The following PXDNL variants were observed in gnomAD, a reference collection of about 807,000 sequenced individuals.
PXDNL encodes probable oxidoreductase PXDNL.
A neutral mutation model predicts 150.8 loss-of-function variants in PXDNL; 145 were observed. The observed-to-expected ratio is 0.96, with a 90% CI of 0.84 to 1.10. PXDNL has a LOEUF of 1.10. Among genes scored for constraint, PXDNL ranks in the 50% least tolerant of loss-of-function variants. PXDNL has a pLI of 0.00. For synonymous variants in PXDNL, 757 were observed against 725.7 expected (o/e 1.04, Z -0.69); for missense variants, 2,087 against 1,873.9 (o/e 1.11, Z -2.10).
intron 1 of PXDNL, among the ~76,000 whole-genome samples, chr8:51,691,770 G>A (rs1237280163): frequency 1.3e-5 from 2 of 151,922 alleles, no homozygotes; most frequent in African/African-American, 2.4e-5. Flanking sequence ...CCTTATGAAC[G>A]TTTTTACCAT....
chr8:51,409,027 C>A lies in PXDNL; in HGVS notation c.2597G>T (p.Ser866Ile). The change falls in exon 17 of 23, where the codon AGC (serine) becomes ATC (isoleucine). Residue 866 changes from serine (S) to isoleucine (I), a missense_variant. Physicochemically the swap from Ser to Ile is moderately radical, Grantham distance 142 (BLOSUM62 -2). Coordinates refer to ENST00000356297, the MANE Select transcript of PXDNL (RefSeq NM_144651.5). ...GGGACGGCCGCTGGCACACGCGGGGCTGGAGCGCGCGAAGAGCATGCAGGG... is the reference window on the plus strand; with the variant it reads ...GGGACGGCCGCTGGCACACGCGGGGATGGAGCGCGCGAAGAGCATGCAGGG... ...HAPCMLFARS[S>I]PACASGRPSA... 3.7e-6 allele frequency: 6 copies of A among 1,610,482 alleles called. 1 individual carries two copies. In the East Asian group the frequency reaches 1.1e-4, roughly 30 times the overall value.
chr8:51,472,871 C>T (rs531686243), intron 7 of PXDNL, among the ~76,000 whole-genome samples: 8 of 152,250 alleles, frequency 5.3e-5, no homozygotes, highest in African/African-American at 1.7e-4. Context: ...TGTAATGAAT[C>T]AGGTAGTATT....
intron 1 of PXDNL, among the ~76,000 whole-genome samples, chr8:51,699,928 C>A (rs578156017): frequency 6.6e-6 from 1 of 151,868 alleles, no homozygotes. Flanking sequence ...CTACAATAGC[C>A]GCATCAAAGA....
intron 19 of PXDNL, among the ~76,000 whole-genome samples, chr8:51,347,625 A>C (rs1806197570): frequency 1.3e-5 from 2 of 152,226 alleles, no homozygotes; most frequent in African/African-American, 4.8e-5. Context: ...CAAGTTAATT[A>C]TCATATTGTT....
intron 4 of PXDNL, among the ~76,000 whole-genome samples, chr8:51,543,249 A>G (rs1184818181): frequency 6.6e-6 from 1 of 152,202 alleles, no homozygotes; most frequent in East Asian, 1.9e-4. Flanking sequence ...ATGCCCGGTG[A>G]TACTACTCTG....
intron 1 of PXDNL, among the ~76,000 whole-genome samples, chr8:51,677,044 G>A (rs984789467): frequency 6.6e-5 from 10 of 152,188 alleles, no homozygotes; most frequent in African/African-American, 2.4e-4. Flanking sequence ...AGTTGCAGTA[G>A]CTGCAGGATT....
chr8:51,583,755 A>G (rs1489126338), intron 3 of PXDNL, among the ~76,000 whole-genome samples: 1 of 152,176 alleles, frequency 6.6e-6, no homozygotes, highest in African/African-American at 2.4e-5. Flanking sequence ...ATAGATGGAT[A>G]TTAGATAGAT....
At chr8:51,494,065 G>C (rs1810974679) in intron 5 of PXDNL, among the ~76,000 whole-genome samples, 1 of 152,194 alleles carries the variant, frequency 6.6e-6, no homozygotes, top group Non-Finnish European at 1.5e-5. Flanking sequence ...AAGCCCATCA[G>C]ACTAACAGCG....
rs529037844 is a variant in PXDNL, at chr8:51,540,992, G to T, written c.380+15848C>A. The stretch of plus-strand genomic sequence containing the variant: ...ATTGGACTTTCAGCTGGTTGCAGTG[G>T]CTTATGCCTATAATCCCAGCACTTT... On this transcript the variant is annotated intron_variant, in intron 4 of 22. Coordinates refer to ENST00000356297, the MANE Select transcript of PXDNL (RefSeq NM_144651.5). Among the ~76,000 whole-genome samples, 162 of 151,980 alleles carry T rather than the reference G, an allele frequency of 1.1e-3. 1 individual carries two copies. Among genetic ancestry groups the T allele is most frequent in the Middle Eastern group, 3.4e-3 (1 of 294 alleles).
intron 1 of PXDNL, among the ~76,000 whole-genome samples, chr8:51,705,107 T>C (rs1484373066): frequency 6.6e-6 from 1 of 152,194 alleles, no homozygotes; most frequent in Non-Finnish European, 1.5e-5. Context: ...AGAAAGAATT[T>C]GTACTGCCCG....
At chr8:51,790,106 G>C (rs908989282) in intron 1 of PXDNL, among the ~76,000 whole-genome samples, 2 of 151,468 alleles carry the variant, frequency 1.3e-5, no homozygotes, top group African/African-American at 4.9e-5. Context: ...TTTAAAAGGG[G>C]AAAAAAGCAC....
At position 51,760,845 on chromosome 8, in the gene PXDNL, C is replaced by CTTTTTTTTTTTTTTTTT. The variant is rs71237237; in HGVS notation, c.164+48319_164+48335dup. On this transcript the variant is annotated intron_variant, in intron 1 of 22. Coordinates refer to ENST00000356297, the MANE Select transcript of PXDNL (RefSeq NM_144651.5). ...GTTAGCCTGAAGGAAATCACTTAAA[C>CTTTTTTTTTTTTTTTTT]TTTTTTTTTTTTTTTTTTTTTTTTT... is the stretch of plus-strand genomic sequence containing the variant. Among the ~76,000 whole-genome samples, 213 of 45,474 alleles carry CTTTTTTTTTTTTTTTTT rather than the reference C, an allele frequency of 4.7e-3. 76 individuals carry two copies. Among genetic ancestry groups the CTTTTTTTTTTTTTTTTT allele is most frequent in the East Asian group, 7.3e-3 (7 of 954 alleles). The allele number at this position is 45,474 out of a possible 152,430, so 29.8% of individuals were successfully genotyped here. A position where few individuals can be genotyped will look rare whatever the true frequency, so the allele number is the denominator to read the frequency against.
chr8:51,655,026 AAGAC>A (rs1815122064), intron 1 of PXDNL, among the ~76,000 whole-genome samples: 1 of 152,228 alleles, frequency 6.6e-6, no homozygotes, highest in Admixed American at 6.5e-5. Flanking sequence ...CAAAGTGTTA[AAGAC>A]AGTTACACCA....
intron 1 of PXDNL, among the ~76,000 whole-genome samples, chr8:51,690,924 T>C (rs1815982096): frequency 6.6e-6 from 1 of 152,176 alleles, no homozygotes; most frequent in Non-Finnish European, 1.5e-5. Context: ...TGGCCAGTGA[T>C]GATGAGCATT....
chr8:51,441,615 A>G (rs955449429), intron 12 of PXDNL, among the ~76,000 whole-genome samples: 13 of 152,174 alleles, frequency 8.5e-5, no homozygotes, highest in African/African-American at 3.1e-4. Context: ...TTTTTTCCTA[A>G]TATACATTCT....
intron 21 of PXDNL, among the ~76,000 whole-genome samples, chr8:51,324,464 T>G (rs1342179272): frequency 6.6e-6 from 1 of 152,222 alleles, no homozygotes; most frequent in Middle Eastern, 3.2e-3. Flanking sequence ...CCTTTTTATT[T>G]TGTTGTCAAA....
chr8:51,637,772 A>G (rs1303919350), intron 2 of PXDNL, among the ~76,000 whole-genome samples: 2 of 152,166 alleles, frequency 1.3e-5, no homozygotes, highest in Non-Finnish European at 2.9e-5. Context: ...GTTAGAAAAC[A>G]CTCTTCAGGA....
At chr8:51,443,606 A>G (rs1809604976) in intron 12 of PXDNL, among the ~76,000 whole-genome samples, 1 of 152,250 alleles carries the variant, frequency 6.6e-6, no homozygotes, top group South Asian at 2.1e-4. Context: ...AATTACAATT[A>G]TAAACTCATG....
chr8:51,426,931 G>GATCACAC (rs1809121076), intron 12 of PXDNL, among the ~76,000 whole-genome samples, 173 bp from the exon 13 acceptor site: 2 of 152,166 alleles, frequency 1.3e-5, no homozygotes, highest in African/African-American at 4.8e-5. Context: ...CAGGCTGGCG[G>GATCACAC]CAAGTACAGC....
Sources: gnomAD v4.1 joint callset for allele counts (sites outside exome capture counted in the v4.1 genomes callset) on GRCh38, gnomAD v4.1.1 for gene constraint, MANE v1.5 for transcripts, NCBI Gene and HGNC (gene_info 2026-07-23, HGNC 2026-07-21) for gene names.